The following RALGDS variants were observed in gnomAD, a reference collection of about 807,000 sequenced individuals.
RALGDS encodes ral guanine nucleotide dissociation stimulator, also known as ral guanine nucleotide exchange factor.
A neutral mutation model predicts 99.8 loss-of-function variants in RALGDS; 44 were observed. The ratio of observed to expected loss-of-function variants is 0.44; its 90% CI spans 0.35 to 0.57. RALGDS has a LOEUF of 0.57. Ranked by LOEUF, RALGDS falls within the 20% of genes least tolerant of loss-of-function variation. RALGDS has a pLI of 0.01. For missense variants in RALGDS, 1,022 were observed against 1,203.1 expected (o/e 0.85, Z 2.23); for synonymous variants, 529 against 505.0 (o/e 1.05, Z -0.64).
upstream of RALGDS, among the ~76,000 whole-genome samples, chr9:133,125,922 G>A (rs1233768590): frequency 6.6e-6 from 1 of 152,100 alleles, no homozygotes; most frequent in Admixed American, 6.5e-5. Flanking sequence ...AAAAGGGGTT[G>A]GGGGCTCTGC....
intron 1 of RALGDS, among the ~76,000 whole-genome samples, chr9:133,141,989 C>T (rs1455404786): frequency 2.0e-5 from 3 of 152,192 alleles, no homozygotes; most frequent in South Asian, 2.1e-4. Context: ...CACGTGGTAC[C>T]CCATGGCCCC....
chr9:133,123,831 GACACAC>G (rs56357571), upstream of RALGDS, among the ~76,000 whole-genome samples: 2 of 20,536 alleles, frequency 9.7e-5, no homozygotes, highest in Admixed American at 5.9e-4. Flanking sequence ...CAGAGACACA[GACACAC>G]ACACACACAC....
In RALGDS at chr9:133,129,934, C is replaced by G. The variant is rs1350925173; in HGVS notation, c.132+1018G>C. 2.6e-5 allele frequency among the ~76,000 whole-genome samples: 4 copies of G among 152,008 alleles called. No homozygotes were observed. In the South Asian group the frequency reaches 8.3e-4, roughly 31 times the overall value. On this transcript the variant is annotated intron_variant, in intron 1 of 17. Transcript: ENST00000372062. ...GGTTCAAGTGATTCTCCTGCCTCAG[C>G]CTCCCAGGTATCTGGGATTACAGGC...
In RALGDS at chr9:133,112,363, G is replaced by A. The variant is rs143331421; in HGVS notation, c.184-211C>T. Among the ~76,000 whole-genome samples, 653 of 152,208 alleles carry A rather than the reference G, an allele frequency of 4.3e-3. 5 individuals carry two copies. Among genetic ancestry groups the A allele is most frequent in the African/African-American group, 0.014 (599 of 41,528 alleles). On this transcript the variant is annotated intron_variant, in intron 1 of 17. Transcript: ENST00000372050. ...AACCCGGCCAGCCACGACCTGGGACGTGATTATGATGAGTCCACCAGGCTT... is the reference window on the plus strand; with the variant it reads ...AACCCGGCCAGCCACGACCTGGGACATGATTATGATGAGTCCACCAGGCTT...
intron 1 of RALGDS, chr9:133,148,852 G>A (rs1462027301): frequency 3.7e-6 from 5 of 1,366,902 alleles, no homozygotes; most frequent in African/African-American, 1.5e-5. Flanking sequence ...CTGCGTAAGC[G>A]CACGCTCAGC....
chr9:133,142,577 G>A (rs545254686), intron 1 of RALGDS, among the ~76,000 whole-genome samples: 16 of 152,242 alleles, frequency 1.1e-4, no homozygotes, highest in African/African-American at 3.4e-4. Flanking sequence ...TCCTCACCCT[G>A]GCTTGGCTGC....
At chr9:133,107,570 C>T (rs541541821) in intron 6 of RALGDS, among the ~76,000 whole-genome samples, 46 of 152,200 alleles carry the variant, frequency 3.0e-4, no homozygotes, top group African/African-American at 1.1e-3. Context: ...CCCATCCAGA[C>T]GCACATCTGC....
At chr9:133,140,095 T>C (rs556017857) in intron 1 of RALGDS, among the ~76,000 whole-genome samples, 5 of 135,016 alleles carry the variant, frequency 3.7e-5, no homozygotes, top group African/African-American at 5.5e-5. Context: ...AGATAAGTGC[T>C]GCTGCAGCTA....
At chr9:133,108,986 G>A in intron 4 of RALGDS, 120 bp from the exon 5 acceptor site, 1 of 1,028,192 alleles carries the variant, frequency 9.7e-7, no homozygotes, top group Non-Finnish European at 1.4e-6. Context: ...CCCCTTGGCT[G>A]TCCAGCTAAA....
chr9:133,134,957 ACT>A (rs1394146594), upstream of RALGDS, among the ~76,000 whole-genome samples: 1 of 151,696 alleles, frequency 6.6e-6, no homozygotes, highest in Non-Finnish European at 1.5e-5. Flanking sequence ...GCTCCCAGTC[ACT>A]CCTTCCTGCA....
intron 2 of RALGDS, among the ~76,000 whole-genome samples, chr9:133,110,807 C>T (rs543038971): frequency 1.6e-4 from 25 of 152,054 alleles, no homozygotes; most frequent in African/African-American, 5.3e-4. Context: ...CAGGGCCAGG[C>T]ATAGTAGCTT....
At chr9:133,124,739 G>C (rs978059619), upstream of RALGDS, among the ~76,000 whole-genome samples, 2 of 152,222 alleles carry the variant, frequency 1.3e-5, no homozygotes, top group Non-Finnish European at 2.9e-5. Context: ...GCATTCATGG[G>C]ACGCCTCCTG....
Position 133,108,094 on chromosome 9 carries a change from G to T in RALGDS, c.1091C>A (p.Ser364Tyr). 1 of 1,613,744 alleles carries T rather than the reference G, an allele frequency of 6.2e-7. No individual in the cohort carries two copies. Among genetic ancestry groups the T allele is most frequent in the South Asian group, 1.1e-5 (1 of 91,088 alleles). ...CTCTGCAACCACAGGTGAAGGCCAG[G>T]AAGGCTGTAATGATGGAACTGGTGC... The part of the protein sequence containing the change: ...APAPVPSLQP[S>Y]WPSPVVAENG... Residue 364 changes from serine (S) to tyrosine (Y), a missense_variant, in exon 6 of 18, where the codon TCC (serine) becomes TAC (tyrosine). Physicochemically the swap from Ser to Tyr is moderately radical, Grantham distance 144. Coordinates refer to ENST00000372050, the MANE Select transcript of RALGDS (RefSeq NM_006266.4).
intron 14 of RALGDS, 81 bp from the exon 15 acceptor site, chr9:133,102,220 G>A (rs190569792): frequency 1.5e-5 from 22 of 1,448,234 alleles, no homozygotes; most frequent in Non-Finnish European, 2.1e-5. Context: ...TGCGCCCAAG[G>A]ACTGTGCAAA....
upstream of RALGDS, among the ~76,000 whole-genome samples, chr9:133,121,809 G>C (rs1831958011): frequency 1.3e-5 from 2 of 152,340 alleles, no homozygotes; most frequent in South Asian, 4.1e-4. Context: ...ACCTGCACCT[G>C]ACTACAGGCT....
At chr9:133,112,248 A>G in intron 1 of RALGDS, 96 bp from the exon 2 acceptor site, 1 of 815,144 alleles carries the variant, frequency 1.2e-6, no homozygotes, top group Non-Finnish European at 2.1e-6. Flanking sequence ...TTTCCCAGAT[A>G]GGGCACAGAC....
In RALGDS at chr9:133,127,011, C is replaced by T. The variant is rs976024351; in HGVS notation, c.132+3941G>A. ...CAGAAGACCACTGGCTTGGTGTGGCCCCAGCTCCCCACTCCAGGTTCCCTC... is the reference window on the plus strand; with the variant it reads ...CAGAAGACCACTGGCTTGGTGTGGCTCCAGCTCCCCACTCCAGGTTCCCTC... On this transcript the variant is annotated intron_variant, in intron 1 of 17. Transcript: ENST00000372062. 2.6e-5 allele frequency among the ~76,000 whole-genome samples: 4 copies of T among 152,202 alleles called. No homozygotes were observed. The East Asian group carries it at 7.7e-4, about 29-fold the overall frequency.
At chr9:133,104,808 T>C (rs1830934804) in intron 9 of RALGDS, among the ~76,000 whole-genome samples, 1 of 152,032 alleles carries the variant, frequency 6.6e-6, no homozygotes, top group African/African-American at 2.4e-5. Flanking sequence ...CGAGACTCCT[T>C]CTCTAAACAA....
intron 1 of RALGDS, among the ~76,000 whole-genome samples, chr9:133,140,024 A>C (rs1180776189): frequency 6.6e-6 from 1 of 151,254 alleles, no homozygotes; most frequent in Admixed American, 6.6e-5. Context: ...CCTGGTGAAC[A>C]TCGTGACAGA....
Sources: gnomAD v4.1 joint callset for allele counts (sites outside exome capture counted in the v4.1 genomes callset) on GRCh38, gnomAD v4.1.1 for gene constraint, MANE v1.5 for transcripts, NCBI Gene and HGNC (gene_info 2026-07-23, HGNC 2026-07-21) for gene names.